Variants in OOEP observed in about 807,000 individuals in gnomAD.
The protein encoded by OOEP is oocyte expressed protein, also known as oocyte-expressed protein homolog.
In OOEP, 16 loss-of-function variants were observed where a neutral mutation model predicts 13.7. That is an observed-to-expected ratio of 1.16 (90% CI 0.79 to 1.77). The LOEUF (loss-of-function observed/expected upper bound fraction) is 1.77, where lower values mean the gene tolerates loss of function less well. OOEP is among the 40% of genes most tolerant of loss of function. OOEP has a pLI of 0.00. For synonymous variants in OOEP, 89 were observed against 77.1 expected, an observed-to-expected ratio of 1.15 and a Z score of -0.81; for missense variants, 195 against 193.1, an observed-to-expected ratio of 1.01 and a Z score of -0.06.
At chr6:73,386,091 C>G in intron 2 of OOEP, among the ~76,000 whole-genome samples, 1 of 134,816 alleles carries the variant, frequency 7.4e-6, no homozygotes, top group South Asian at 2.4e-4. Context: ...ACATGCTTTT[C>G]TTTTTTTTTT....
At chr6:73,394,506 A>C (rs898513030) in intron 1 of OOEP, 4 of 615,660 alleles carry the variant, frequency 6.5e-6, no homozygotes, top group Non-Finnish European at 1.1e-5. Flanking sequence ...AAAAGAAAAA[A>C]AAAAGTTTCC....
At chr6:73,369,923 G>A (rs1769022506), upstream of OOEP, 2 of 781,368 alleles carry the variant, frequency 2.6e-6, no homozygotes, top group Non-Finnish European at 4.1e-6. Flanking sequence ...GCCTCGCACC[G>A]CGTCGGGGTG....
chr6:73,374,916 C>G (rs1283157822), intron 2 of OOEP, among the ~76,000 whole-genome samples: 2 of 152,324 alleles, frequency 1.3e-5, no homozygotes, highest in African/African-American at 4.8e-5. Context: ...ACCTCCACCT[C>G]CCAGGTTCAA....
rs70994194 is a variant in OOEP at position 73,376,344 on chromosome 6, G to GTTTTTTTTTTTTTTTTTTTT, written c.26-6979_26-6960dup. On this transcript the variant is annotated intron_variant, in intron 2 of 3. Transcript: ENST00000370363. ...TCGCAGCTGTTTTGGACAAGGGGTT[G>GTTTTTTTTTTTTTTTTTTTT]TTTTTTTTTTTTTTTTTTTTTTTTT... Among the ~76,000 whole-genome samples, 4 of 103,558 alleles carry GTTTTTTTTTTTTTTTTTTTT rather than the reference G, an allele frequency of 3.9e-5. 1 individual carries two copies. The highest frequency in any genetic ancestry group is 1.2e-4 in the African/African-American group (3 of 25,232). The allele number at this position is 103,558 out of a possible 152,430, so 67.9% of individuals were successfully genotyped here.
chr6:73,386,917 G>A (rs113635039), intron 2 of OOEP, among the ~76,000 whole-genome samples: 23,797 of 138,848 alleles, frequency 0.17, 2,042 homozygotes, highest in Non-Finnish European at 0.19. Flanking sequence ...GCAGTGAGCC[G>A]AGATCATGCC....
At chr6:73,384,639 T>C (rs971130231) in intron 2 of OOEP, among the ~76,000 whole-genome samples, 4 of 152,102 alleles carry the variant, frequency 2.6e-5, no homozygotes, top group East Asian at 1.9e-4. Context: ...GTTCCAGGTA[T>C]TGAGCCATGA....
intron 2 of OOEP, among the ~76,000 whole-genome samples, chr6:73,390,193 T>A (rs1769328184): frequency 6.6e-6 from 1 of 152,112 alleles, no homozygotes. Flanking sequence ...GAAAAAAAAG[T>A]TATTTACTAA....
rs144825403 is a variant in OOEP at position 73,375,664 on chromosome 6, T to C, written c.26-6279A>G. On this transcript the variant is annotated intron_variant, in intron 2 of 3. Transcript: ENST00000370363. ...TATAAAATTAAGTTTTATATAACTA[T>C]ATCCTGAGAGAAAAGAGAAATCTGC... Among the ~76,000 whole-genome samples, 9 of 149,568 alleles carry C rather than the reference T, an allele frequency of 6.0e-5. No homozygotes were observed. In the East Asian group the frequency reaches 1.7e-3, roughly 29 times the overall value.
At chr6:73,387,274 C>T (rs1462651432) in intron 2 of OOEP, among the ~76,000 whole-genome samples, 3 of 151,854 alleles carry the variant, frequency 2.0e-5, no homozygotes, top group African/African-American at 7.3e-5. Flanking sequence ...TTTGGGAGGC[C>T]GAGGTGGGTG....
At chr6:73,374,824 T>C (rs1311682566), upstream of OOEP, among the ~76,000 whole-genome samples, 1 of 152,142 alleles carries the variant, frequency 6.6e-6, no homozygotes, top group East Asian at 1.9e-4. Flanking sequence ...TTTATTTACT[T>C]ATTTATTTAT....
At chr6:73,390,867 G>T (rs559701939) in intron 2 of OOEP, among the ~76,000 whole-genome samples, 2 of 151,000 alleles carry the variant, frequency 1.3e-5, no homozygotes, top group South Asian at 4.2e-4. Flanking sequence ...CTCCCAAAGT[G>T]CTGGGATTAC....
chr6:73,368,828 C>T lies in OOEP; in HGVS notation c.406G>A (p.Ala136Thr). The change falls in exon 3 of 3, where the codon GCC becomes ACC. Residue 136 changes from alanine (A) to threonine (T), a missense_variant. Coordinates refer to ENST00000370359, the MANE Select transcript of OOEP (RefSeq NM_001080507.3). ...GGAGAGTGGGGGTCTGATGCATGGG[C>T]CTTCAAGTTCTTCTCAAGGTGTTTC... ...KMKHLEKNLK[A>T]HASDPHSPQD... 6.2e-7 allele frequency: 1 copy of T among 1,613,662 alleles called. No homozygotes were observed. Among genetic ancestry groups the T allele is most frequent in the Non-Finnish European group, 8.5e-7 (1 of 1,179,660 alleles).
At chr6:73,388,026 C>T (rs969366347) in intron 2 of OOEP, among the ~76,000 whole-genome samples, 9 of 152,098 alleles carry the variant, frequency 5.9e-5, no homozygotes, top group African/African-American at 1.9e-4. Flanking sequence ...GACAGGCATG[C>T]GGCACCACAC....
intron 2 of OOEP, 136 bp from the exon 3 acceptor site, chr6:73,368,999 G>T: frequency 1.2e-6 from 1 of 822,770 alleles, no homozygotes. Flanking sequence ...GACTTGGGCA[G>T]TGATGGGTCT....
At chr6:73,389,636 T>A (rs1014789474) in intron 2 of OOEP, among the ~76,000 whole-genome samples, 3 of 146,656 alleles carry the variant, frequency 2.0e-5, no homozygotes, top group African/African-American at 7.7e-5. Context: ...TAGGTGGGAA[T>A]TGAACAATGA....
intron 2 of OOEP, chr6:73,391,158 G>T (rs1412462666): frequency 1.3e-5 from 2 of 152,030 alleles, no homozygotes; most frequent in African/African-American, 4.8e-5. Flanking sequence ...TATATTCTGT[G>T]GCCTCTTCCT....
intron 2 of OOEP, among the ~76,000 whole-genome samples, chr6:73,380,070 CATT>C (rs1582627158): frequency 6.6e-6 from 1 of 152,094 alleles, no homozygotes; most frequent in Non-Finnish European, 1.5e-5. Flanking sequence ...TAACATCACT[CATT>C]AGTCGTTAGG....
In OOEP at chr6:73,368,613, C is replaced by G. The variant is rs41265517; in HGVS notation, c.*171G>C. 1.8e-4 allele frequency: 101 copies of G among 555,136 alleles called. No individual in the cohort carries two copies. The East Asian group carries it at 2.5e-3, about 14-fold the overall frequency. The allele number at this position is 555,136 out of a possible 1,614,324, so 34.4% of individuals were successfully genotyped here. On this transcript the variant is annotated 3_prime_UTR_variant, in exon 3 of 3. Transcript: ENST00000370359. Reference sequence around the variant, plus strand: ...GATCTTAATGCTTTTGGCAAAATAGCCATTTCTTTATTAGAATAGTTCAAA... The same window carrying G: ...GATCTTAATGCTTTTGGCAAAATAGGCATTTCTTTATTAGAATAGTTCAAA...
chr6:73,371,088 G>A (rs536936551), upstream of OOEP, among the ~76,000 whole-genome samples: 4 of 152,200 alleles, frequency 2.6e-5, no homozygotes, highest in East Asian at 5.8e-4. Flanking sequence ...TTACAGGCGT[G>A]AGCCACCACA....
Sources: allele counts gnomAD v4.1 joint callset (sites outside exome capture counted in the v4.1 genomes callset), GRCh38; gene constraint gnomAD v4.1.1; transcripts MANE v1.5; gene names NCBI Gene and HGNC (gene_info 2026-07-23, HGNC 2026-07-21).